KCNB2: variants seen among roughly 807,000 people sequenced by gnomAD.
The protein encoded by KCNB2 is potassium voltage-gated channel subfamily B member 2, also known as delayed rectifier potassium channel protein.
KCNB2 carries 15 observed loss-of-function variants against 61.5 expected under a neutral mutation model. The observed-to-expected ratio is 0.24, with a 90% CI of 0.16 to 0.38. The LOEUF is 0.38. Among genes scored for constraint, KCNB2 ranks in the 10% least tolerant of loss-of-function variants. The pLI, the probability that KCNB2 is intolerant of heterozygous loss-of-function variation, is 1.00. For synonymous variants in KCNB2, 457 were observed against 446.0 expected, an observed-to-expected ratio of 1.02 and a Z score of -0.31; for missense variants, 828 against 1,125.2, an observed-to-expected ratio of 0.74 and a Z score of 3.78.
intron 1 of KCNB2, among the ~76,000 whole-genome samples, chr8:72,552,279 T>G (rs1345258142): frequency 6.6e-6 from 1 of 152,198 alleles, no homozygotes; most frequent in East Asian, 1.9e-4. Flanking sequence ...AGAACAGAAC[T>G]CAGCCTCATA....
intron 2 of KCNB2, among the ~76,000 whole-genome samples, chr8:72,675,889 A>G (rs571081020): frequency 9.9e-5 from 15 of 152,262 alleles, no homozygotes; most frequent in African/African-American, 3.4e-4. Flanking sequence ...AGATCATTCT[A>G]TCAGATGTAA....
chr8:72,566,909 G>C (rs1479071889), intron 1 of KCNB2, among the ~76,000 whole-genome samples: 1 of 152,054 alleles, frequency 6.6e-6, no homozygotes, highest in Non-Finnish European at 1.5e-5. Flanking sequence ...GTTTTAGTGA[G>C]GGTGACCGGG....
At chr8:72,761,569 A>G (rs1467987177) in intron 2 of KCNB2, among the ~76,000 whole-genome samples, 3 of 152,170 alleles carry the variant, frequency 2.0e-5, no homozygotes, top group Non-Finnish European at 2.9e-5. Flanking sequence ...ATGAGAGGAA[A>G]ATGGATTAAT....
chr8:72,665,990 G>A (rs1806464836), intron 2 of KCNB2, among the ~76,000 whole-genome samples: 1 of 152,236 alleles, frequency 6.6e-6, no homozygotes. Context: ...TGTCCCCTGG[G>A]ACAGGGTTTA....
intron 2 of KCNB2, among the ~76,000 whole-genome samples, chr8:72,866,870 G>A (rs1805529956): frequency 6.6e-6 from 1 of 152,170 alleles, no homozygotes; most frequent in African/African-American, 2.4e-5. Flanking sequence ...TAATTCAGGT[G>A]GAAGTGTCAG....
intron 2 of KCNB2, among the ~76,000 whole-genome samples, chr8:72,640,034 A>G (rs1806030732): frequency 6.6e-6 from 1 of 151,984 alleles, no homozygotes; most frequent in Non-Finnish European, 1.5e-5. Flanking sequence ...TCGTTGGTCA[A>G]ATGCATCATT....
intron 2 of KCNB2, among the ~76,000 whole-genome samples, chr8:72,850,860 T>C (rs907634471): frequency 9.9e-5 from 15 of 151,610 alleles, no homozygotes; most frequent in African/African-American, 3.6e-4. Flanking sequence ...TCTGTATGAG[T>C]ATCAATCTTA....
chr8:72,707,714 G>A lies in KCNB2; in HGVS notation c.579+139401G>A, dbSNP rs138388396. Among the ~76,000 whole-genome samples the A allele has an allele frequency of 1.7e-3, 263 of 152,270 alleles. 2 individuals are homozygous for A. Among genetic ancestry groups the A allele is most frequent in the African/African-American group, 5.9e-3 (244 of 41,544 alleles). ...AAACAGAACGTGAGTAAGGTTTAAC[G>A]TTTTTCCTGCTCACAGTGTTGTTGC... On this transcript the variant is annotated intron_variant, in intron 2 of 2. Transcript: ENST00000523207.
At chr8:72,662,080 T>G (rs920210671) in intron 2 of KCNB2, among the ~76,000 whole-genome samples, 2 of 152,204 alleles carry the variant, frequency 1.3e-5, no homozygotes, top group African/African-American at 4.8e-5. Flanking sequence ...TTCTTCATCC[T>G]GCTTGCTTAA....
At chr8:72,717,467 A>G (rs1807465750) in intron 2 of KCNB2, among the ~76,000 whole-genome samples, 1 of 152,194 alleles carries the variant, frequency 6.6e-6, no homozygotes, top group Admixed American at 6.5e-5. Flanking sequence ...AAACAGAGAT[A>G]TAGACCAATG....
intron 2 of KCNB2, among the ~76,000 whole-genome samples, chr8:72,889,503 C>T (rs1218194824): frequency 1.3e-5 from 2 of 151,984 alleles, no homozygotes; most frequent in Admixed American, 6.5e-5. Flanking sequence ...GGTTGGGCAA[C>T]ATGATAACAC....
intron 2 of KCNB2, among the ~76,000 whole-genome samples, chr8:72,587,545 T>C (rs1330213894): frequency 6.6e-6 from 1 of 152,026 alleles, no homozygotes; most frequent in African/African-American, 2.4e-5. Context: ...CTGGACAACA[T>C]GGTGAAATGT....
At chr8:72,839,824 A>G (rs962130621) in intron 2 of KCNB2, among the ~76,000 whole-genome samples, 1 of 151,772 alleles carries the variant, frequency 6.6e-6, no homozygotes, top group African/African-American at 2.4e-5. Context: ...CGTGTTAGCC[A>G]GGATGGTCTT....
intron 2 of KCNB2, among the ~76,000 whole-genome samples, chr8:72,754,471 C>T (rs1808252046): frequency 1.3e-5 from 2 of 152,136 alleles, no homozygotes; most frequent in African/African-American, 4.8e-5. Flanking sequence ...GGGGACCCTT[C>T]CATTGTAATT....
At chr8:72,896,227 A>T (rs573980167) in intron 2 of KCNB2, among the ~76,000 whole-genome samples, 3 of 152,256 alleles carry the variant, frequency 2.0e-5, no homozygotes, top group African/African-American at 7.2e-5. Context: ...AAAGTCCACA[A>T]GGTCACTGTT....
intron 1 of KCNB2, among the ~76,000 whole-genome samples, chr8:72,544,194 C>A (rs1277156841): frequency 6.6e-6 from 1 of 152,116 alleles, no homozygotes; most frequent in Non-Finnish European, 1.5e-5. Context: ...GAAGGAACAG[C>A]ATTTGCAAAG....
At chr8:72,714,643 GAGAGCTCCTGAA>G (rs1563568207) in intron 2 of KCNB2, among the ~76,000 whole-genome samples, 1 of 152,068 alleles carries the variant, frequency 6.6e-6, no homozygotes. Context: ...CCTGCCCTAC[GAGAGCTCCTGAA>G]GTAAGCACTA....
intron 2 of KCNB2, among the ~76,000 whole-genome samples, chr8:72,645,704 A>G (rs1806119936): frequency 6.6e-6 from 1 of 152,248 alleles, no homozygotes; most frequent in African/African-American, 2.4e-5. Flanking sequence ...TTATGTTCTG[A>G]TGCTTTTTTC....
chr8:72,552,856 A>T (rs1004124575), intron 1 of KCNB2, among the ~76,000 whole-genome samples: 2 of 150,930 alleles, frequency 1.3e-5, no homozygotes, highest in African/African-American at 2.4e-5. Context: ...TCTCACATCC[A>T]CTTTTCCCAG....
Sources: gnomAD v4.1 joint callset for allele counts (sites outside exome capture counted in the v4.1 genomes callset) on GRCh38, gnomAD v4.1.1 for gene constraint, MANE v1.5 for transcripts, NCBI Gene and HGNC (gene_info 2026-07-23, HGNC 2026-07-21) for gene names.